CHSY1: variants seen among roughly 807,000 people sequenced by gnomAD.
CHSY1 encodes chondroitin sulfate synthase 1.
Under a neutral mutation model 59.8 loss-of-function variants are expected in CHSY1, and 13 were observed. The ratio of observed to expected loss-of-function variants is 0.22; its 90% CI spans 0.14 to 0.35. The LOEUF (loss-of-function observed/expected upper bound fraction) is 0.35. CHSY1 is among the 10% of genes least tolerant of loss of function. The probability of loss-of-function intolerance (pLI) is 1.00; values close to 1 mark genes in which losing one functional copy is unlikely to be tolerated. For synonymous variants in CHSY1, 459 were observed against 401.2 expected (o/e 1.14, Z -1.72); for missense variants, 947 against 1,030.6 (o/e 0.92, Z 1.11).
intron 2 of CHSY1, among the ~76,000 whole-genome samples, chr15:101,210,302 G>A (rs1180735816): frequency 6.6e-6 from 1 of 152,098 alleles, no homozygotes; most frequent in East Asian, 1.9e-4. Flanking sequence ...GAGGCTGAAG[G>A]CACCATCACA....
rs2038185999 is a variant in CHSY1 at position 101,176,214 on chromosome 15, G to C, written c.*1174C>G. ...GGTACTCAAGAAATGGCAGAGCTCT[G>C]AACAACAGATATTAAATAAATTAAA... On this transcript the variant is annotated 3_prime_UTR_variant, in exon 3 of 3. Transcript: ENST00000254190. The C allele has an allele frequency of 5.0e-6, 2 of 398,368 alleles. No individual in the cohort carries two copies. Among genetic ancestry groups the C allele is most frequent in the Admixed American group, 4.4e-5 (1 of 22,696 alleles). The allele number at this position is 398,368 out of a possible 1,614,324, so 24.7% of individuals were successfully genotyped here. A position where few individuals can be genotyped will look rare whatever the true frequency, so the allele number is the denominator to read the frequency against.
chr15:101,216,313 G>A (rs2038731643), intron 2 of CHSY1, among the ~76,000 whole-genome samples: 1 of 152,246 alleles, frequency 6.6e-6, no homozygotes, highest in African/African-American at 2.4e-5. Context: ...AAATGCTACA[G>A]ACACTCTGGA....
intron 2 of CHSY1, among the ~76,000 whole-genome samples, chr15:101,233,797 AAAGT>A (rs1453863651): frequency 6.6e-6 from 1 of 152,244 alleles, no homozygotes; most frequent in Non-Finnish European, 1.5e-5. Flanking sequence ...AACAACAAAA[AAAGT>A]AAGAGTGATT....
intron 2 of CHSY1, among the ~76,000 whole-genome samples, chr15:101,204,320 G>A (rs2038602636): frequency 6.6e-6 from 1 of 151,950 alleles, no homozygotes; most frequent in South Asian, 2.1e-4. Context: ...TGTAATCCCA[G>A]CTACTCGGGA....
intron 2 of CHSY1, among the ~76,000 whole-genome samples, chr15:101,210,357 A>G (rs2141260359): frequency 6.6e-6 from 1 of 152,340 alleles, no homozygotes; most frequent in African/African-American, 2.4e-5. Flanking sequence ...TGTCATTGCA[A>G]AAACCCTACA....
chr15:101,245,908 T>G (rs1377499091), intron 1 of CHSY1, among the ~76,000 whole-genome samples: 1 of 152,244 alleles, frequency 6.6e-6, no homozygotes, highest in East Asian at 1.9e-4. Flanking sequence ...TTGAATTCTA[T>G]CTAAGAAAGT....
intron 2 of CHSY1, among the ~76,000 whole-genome samples, chr15:101,190,929 G>T (rs1567090243): frequency 6.6e-6 from 1 of 151,736 alleles, no homozygotes. Context: ...CGAAATGCTG[G>T]TGAGGACATG....
chr15:101,244,015 C>T (rs2039027860), intron 1 of CHSY1, among the ~76,000 whole-genome samples: 1 of 152,208 alleles, frequency 6.6e-6, no homozygotes, highest in Non-Finnish European at 1.5e-5. Context: ...CAACTTGACA[C>T]CACATCAGAG....
At chr15:101,193,591 G>A (rs150019459) in intron 2 of CHSY1, among the ~76,000 whole-genome samples, 131 of 152,330 alleles carry the variant, frequency 8.6e-4, no homozygotes, top group African/African-American at 3.0e-3. Flanking sequence ...GCACATGTGC[G>A]TATTTTAATG....
intron 2 of CHSY1, 61 bp from the exon 3 acceptor site, chr15:101,179,041 G>T: frequency 6.6e-7 from 1 of 1,520,124 alleles, no homozygotes; most frequent in Non-Finnish European, 9.1e-7. Flanking sequence ...GCCAGCACAT[G>T]CTAAAGAAAA....
chr15:101,241,699 G>A (rs995793495), intron 1 of CHSY1, among the ~76,000 whole-genome samples: 1 of 152,168 alleles, frequency 6.6e-6, no homozygotes, highest in African/African-American at 2.4e-5. Flanking sequence ...TATTACATGT[G>A]CTGTCTGATG....
At chr15:101,201,532 G>C (rs1271484260) in intron 2 of CHSY1, among the ~76,000 whole-genome samples, 1 of 152,224 alleles carries the variant, frequency 6.6e-6, no homozygotes, top group East Asian at 1.9e-4. Context: ...CTGATTGGTG[G>C]AGCGGCAGGG....
At chr15:101,243,665 A>G (rs1236666731) in intron 1 of CHSY1, among the ~76,000 whole-genome samples, 1 of 152,222 alleles carries the variant, frequency 6.6e-6, no homozygotes, top group Non-Finnish European at 1.5e-5. Context: ...CCTTACACAC[A>G]CTTCAACCAC....
intron 2 of CHSY1, among the ~76,000 whole-genome samples, chr15:101,204,545 T>A (rs1243176703): frequency 6.6e-6 from 1 of 151,970 alleles, no homozygotes; most frequent in East Asian, 1.9e-4. Context: ...GAAAGACTTA[T>A]AGGAGTTTTC....
intron 2 of CHSY1, among the ~76,000 whole-genome samples, chr15:101,205,813 T>C (rs957143216): frequency 1.5e-4 from 23 of 151,748 alleles, no homozygotes; most frequent in Admixed American, 2.6e-4. Context: ...TAGCTGGGCG[T>C]GGTGGTGGGC....
intron 1 of CHSY1, among the ~76,000 whole-genome samples, chr15:101,244,617 C>T (rs2039033433): frequency 6.6e-6 from 1 of 152,222 alleles, no homozygotes; most frequent in African/African-American, 2.4e-5. Flanking sequence ...CACTTGGCAT[C>T]ACAGTGAGTA....
In CHSY1 at chr15:101,251,479, G is replaced by GGCCGCCGCCGCCGCCGCCGCT; in HGVS notation, c.-24_-23insAGCGGCGGCGGCGGCGGCGGC. The GGCCGCCGCCGCCGCCGCCGCT allele has an allele frequency of 1.4e-6, 1 of 703,418 alleles. No individual in the cohort carries two copies. Among genetic ancestry groups the GGCCGCCGCCGCCGCCGCCGCT allele is most frequent in the Non-Finnish European group, 1.7e-6 (1 of 577,174 alleles). The allele number at this position is 703,418 out of a possible 1,614,324, so 43.6% of individuals were successfully genotyped here. ...CATGCCCGCGCCGCTCCGCCCGCCG[G>GGCCGCCGCCGCCGCCGCCGCT]GCCGCCGCCGCAGGCTCCGCGCGCC... On this transcript the variant is annotated 5_prime_UTR_variant, in exon 1 of 3. Transcript: ENST00000254190.
chr15:101,198,771 C>T (rs1361503683), intron 2 of CHSY1, among the ~76,000 whole-genome samples: 1 of 152,246 alleles, frequency 6.6e-6, no homozygotes, highest in African/African-American at 2.4e-5. Flanking sequence ...AAAACTTCTA[C>T]TGGGACACAG....
chr15:101,235,360 G>A lies in CHSY1; in HGVS notation c.538C>T (p.Arg180Cys), dbSNP rs569937094. The change falls in exon 2 of 3, where the codon CGT becomes TGT. Residue 180 changes from arginine (R) to cysteine (C), a missense_variant. Physicochemically the swap from Arg to Cys is radical, Grantham distance 180. Coordinates refer to ENST00000254190, the MANE Select transcript of CHSY1 (RefSeq NM_014918.5). ...AAACTCCTCAGGAAGTTCTCCAGAC[G>A]GTCTCCTTTGATGTACACGTCATCA... ...ADDDVYIKGD[R>C]LENFLRSLNS... is the part of the protein sequence containing the mutation. 1.7e-5 allele frequency: 28 copies of A among 1,614,100 alleles called. No individual in the cohort carries two copies. The highest frequency in any genetic ancestry group is 5.5e-5 in the South Asian group (5 of 91,078).
Sources: allele counts gnomAD v4.1 joint callset (sites outside exome capture counted in the v4.1 genomes callset), GRCh38; gene constraint gnomAD v4.1.1; transcripts MANE v1.5; gene names NCBI Gene and HGNC (gene_info 2026-07-23, HGNC 2026-07-21).